Variants in GET1 observed in about 807,000 individuals in gnomAD.
GET1 encodes the protein guided entry of tail-anchored proteins factor 1.
In GET1, 20 loss-of-function variants were observed where a neutral mutation model predicts 22.6. That is an observed-to-expected ratio of 0.89 (90% confidence interval 0.62 to 1.29). GET1 has a LOEUF of 1.29. GET1 is among the 50% of genes most tolerant of loss of function. The probability of loss-of-function intolerance (pLI) is 0.00; values close to 1 mark genes in which losing one functional copy is unlikely to be tolerated. For synonymous variants in GET1, 92 were observed against 83.8 expected, an observed-to-expected ratio of 1.10 and a Z score of -0.53; for missense variants, 209 against 219.9, an observed-to-expected ratio of 0.95 and a Z score of 0.31.
downstream of GET1, chr21:39,410,373 G>C (rs2039876759): frequency 2.0e-6 from 3 of 1,467,160 alleles, no homozygotes; most frequent in Non-Finnish European, 1.9e-6. Context: ...AGAAACTATG[G>C]AACAGGTAGA....
chr21:39,396,663 G>A (rs541528467), intron 4 of GET1, among the ~76,000 whole-genome samples: 27 of 149,758 alleles, frequency 1.8e-4, no homozygotes, highest in Admixed American at 5.4e-4. Flanking sequence ...TCCAGCCTGG[G>A]GGACAGAGCG....
chr21:39,419,536 G>A (rs74693568), intron 1 of GET1, among the ~76,000 whole-genome samples: 31,326 of 127,864 alleles, frequency 0.24, 4,290 homozygotes, highest in African/African-American at 0.46. Flanking sequence ...AAAAAAAAAA[G>A]AAAAAAGAAA....
chr21:39,419,380 CTGGGTATGG>C (rs1440004798), intron 1 of GET1, among the ~76,000 whole-genome samples: 2 of 151,968 alleles, frequency 1.3e-5, no homozygotes. Context: ...TAAAAATTAG[CTGGGTATGG>C]TGGCATGTAC....
In GET1 at chr21:39,386,334, A is replaced by G. The variant is rs146317124; in HGVS notation, c.103-4364A>G. 22 of 152,244 alleles carry G rather than the reference A, an allele frequency of 1.4e-4. No homozygotes were observed. The East Asian group carries it at 3.9e-3, about 27-fold the overall frequency. 9.4% of individuals were successfully genotyped at this position (152,244 alleles called of 1,614,324 possible). A position where few individuals can be genotyped will look rare whatever the true frequency, so the allele number is the denominator to read the frequency against. ...CCAGGCTTGGGAATGGTCCCCAAGT[A>G]TTAGTTTAGGAGGACGACTCTCTGC... On this transcript the variant is annotated intron_variant, in intron 1 of 4. Coordinates refer to ENST00000649170, the MANE Select transcript of GET1 (RefSeq NM_004627.6).
intron 1 of GET1, among the ~76,000 whole-genome samples, chr21:39,383,145 G>A (rs1329967078): frequency 1.3e-5 from 2 of 151,816 alleles, no homozygotes; most frequent in South Asian, 2.1e-4. Context: ...TAGTAGAGAC[G>A]AGGTTTCACC....
intron 4 of GET1, among the ~76,000 whole-genome samples, chr21:39,393,695 T>C (rs2038456315): frequency 6.6e-6 from 1 of 152,206 alleles, no homozygotes; most frequent in South Asian, 2.1e-4. Context: ...TCACCCAGGC[T>C]GGAGTCAGTG....
At chr21:39,412,056 T>C (rs2040178250) in intron 1 of GET1, among the ~76,000 whole-genome samples, 1 of 152,248 alleles carries the variant, frequency 6.6e-6, no homozygotes, top group African/African-American at 2.4e-5. Context: ...TCCACTGTTT[T>C]CCTTCTGTCC....
At chr21:39,396,241 C>G (rs1260947115) in intron 4 of GET1, among the ~76,000 whole-genome samples, 1 of 152,042 alleles carries the variant, frequency 6.6e-6, no homozygotes, top group East Asian at 1.9e-4. Context: ...ACTAAAAATA[C>G]AAAATTAGCC....
At position 39,380,382 on chromosome 21, in the gene GET1, G is replaced by C. The variant is rs767840715; in HGVS notation, c.-3G>C. 1.4e-5 allele frequency: 22 copies of C among 1,601,810 alleles called. No individual in the cohort carries two copies. In the African/African-American group the frequency reaches 2.5e-4, roughly 18 times the overall value. On this transcript the variant is annotated 5_prime_UTR_variant, in exon 1 of 5. Coordinates refer to ENST00000649170, the MANE Select transcript of GET1 (RefSeq NM_004627.6). ...GGACCCAGCACAGCCAGGAGCGTCC[G>C]GGATGAGCTCAGCCGCGGCCGACCA...
At chr21:39,405,329 G>T (rs550665563) in intron 4 of GET1, among the ~76,000 whole-genome samples, 1 of 151,816 alleles carries the variant, frequency 6.6e-6, no homozygotes, top group African/African-American at 2.4e-5. Context: ...AAGTAGCTGG[G>T]ACTACAGGCA....
Position 39,397,240 on chromosome 21 carries a change from C to T in GET1, c.*301C>T. ...TCCATGCTGTCACTTGTGATTTGCC[C>T]TCTTATGTATTTTGGTCATATTGCC... On this transcript the variant is annotated 3_prime_UTR_variant, in exon 5 of 5. Coordinates refer to ENST00000649170, the MANE Select transcript of GET1 (RefSeq NM_004627.6). 1 of 284,990 alleles carries T rather than the reference C, an allele frequency of 3.5e-6. No homozygotes were observed. Among genetic ancestry groups the T allele is most frequent in the South Asian group, 7.7e-5 (1 of 13,068 alleles). The allele number at this position is 284,990 out of a possible 1,614,324, so 17.7% of individuals were successfully genotyped here.
intron 1 of GET1, chr21:39,380,729 T>C: frequency 1.6e-6 from 2 of 1,227,252 alleles, no homozygotes; most frequent in Non-Finnish European, 2.0e-6. Flanking sequence ...CTCTTCTGGC[T>C]GTGGGTGGCG....
intron 4 of GET1, among the ~76,000 whole-genome samples, chr21:39,403,227 C>G (rs1303104790): frequency 6.6e-6 from 1 of 152,238 alleles, no homozygotes; most frequent in Non-Finnish European, 1.5e-5. Context: ...CTCCCTTACT[C>G]CTTCCGTCCT....
At chr21:39,419,334 G>A (rs1406122905) in intron 1 of GET1, among the ~76,000 whole-genome samples, 1 of 151,988 alleles carries the variant, frequency 6.6e-6, no homozygotes, top group East Asian at 1.9e-4. Flanking sequence ...AGACCAGCCT[G>A]GGCAACACAG....
intron 3 of GET1, 24 bp downstream of exon 3, chr21:39,391,860 G>A (rs200900394): frequency 9.9e-5 from 160 of 1,613,536 alleles, no homozygotes; most frequent in Admixed American, 1.8e-4. Context: ...AGCGTCAGCC[G>A]GGTCATTGGA....
rs66478742 is a variant in GET1, at chr21:39,414,742, C to CTGTGTGTGTGTG, written c.*23+3831_*23+3842dup. On this transcript the variant is annotated intron_variant, in intron 1 of 1. Coordinates refer to the GET1 transcript ENST00000478273. ...TCTCTCTCTCTCTCTCTCTCTCTCT[C>CTGTGTGTGTGTG]TGTGTGTGTGTGTGTGTGTGTGTGT... Among the ~76,000 whole-genome samples, 189 of 99,218 alleles carry CTGTGTGTGTGTG rather than the reference C, an allele frequency of 1.9e-3. 3 individuals carry two copies. Among genetic ancestry groups the CTGTGTGTGTGTG allele is most frequent in the African/African-American group, 4.8e-3 (109 of 22,734 alleles). 65.1% of individuals were successfully genotyped at this position (99,218 alleles called of 152,430 possible).
At chr21:39,398,192 C>G (rs1457704474), downstream of GET1, among the ~76,000 whole-genome samples, 2 of 152,154 alleles carry the variant, frequency 1.3e-5, no homozygotes, top group Non-Finnish European at 2.9e-5. Flanking sequence ...ACATTTTGCC[C>G]ACAAAGGATG....
chr21:39,421,660 CAT>C (rs2073791204), intron 1 of GET1: 1 of 152,116 alleles, frequency 6.6e-6, no homozygotes, highest in African/African-American at 2.4e-5. Flanking sequence ...TTTGTTTTAA[CAT>C]AAAGTAGGAC....
chr21:39,386,914 A>G (rs1425149383), intron 1 of GET1, among the ~76,000 whole-genome samples: 2 of 151,674 alleles, frequency 1.3e-5, no homozygotes, highest in African/African-American at 4.8e-5. Context: ...GTGCCATCAT[A>G]ACTCACAGCA....
Sources: allele counts gnomAD v4.1 joint callset (sites outside exome capture counted in the v4.1 genomes callset), GRCh38; gene constraint gnomAD v4.1.1; transcripts MANE v1.5; gene names NCBI Gene and HGNC (gene_info 2026-07-23, HGNC 2026-07-21).